VPS13B: variants seen among roughly 807,000 people sequenced by gnomAD.
The protein encoded by VPS13B is intermembrane lipid transfer protein VPS13B.
VPS13B carries 285 observed loss-of-function variants against 426.4 expected under a neutral mutation model. The observed-to-expected ratio is 0.67, with a 90% CI of 0.61 to 0.74. The LOEUF (loss-of-function observed/expected upper bound fraction) is 0.74. Among genes scored for constraint, VPS13B ranks in the 30% least tolerant of loss-of-function variants. VPS13B has a pLI of 0.00. For missense variants in VPS13B, 4,537 were observed against 4,782.6 expected (o/e 0.95, Z 1.51); for synonymous variants, 1,676 against 1,676.4 (o/e 1.00, Z 0.01).
intron 3 of VPS13B, among the ~76,000 whole-genome samples, chr8:99,056,993 T>A (rs1238094732): frequency 6.6e-6 from 1 of 152,162 alleles, no homozygotes; most frequent in Non-Finnish European, 1.5e-5. Context: ...TTTAATATTA[T>A]CATATGTTTA....
intron 2 of VPS13B, among the ~76,000 whole-genome samples, chr8:99,030,936 G>A (rs183000526): frequency 2.3e-3 from 350 of 152,168 alleles, no homozygotes; most frequent in Non-Finnish European, 3.9e-3. Flanking sequence ...ATCTATTTCA[G>A]TATTTGATAT....
chr8:99,038,679 C>CTTT (rs34774482), intron 3 of VPS13B, 113 bp downstream of exon 3: 93 of 168,604 alleles, frequency 5.5e-4, no homozygotes, highest in Admixed American at 1.0e-3. Context: ...AGCTTATATA[C>CTTT]TTTTTTTTTT....
intron 17 of VPS13B, among the ~76,000 whole-genome samples, chr8:99,221,506 T>C (rs1815721002): frequency 6.6e-6 from 1 of 152,222 alleles, no homozygotes; most frequent in African/African-American, 2.4e-5. Flanking sequence ...GAGAGAGGCT[T>C]TAATAACTAT....
chr8:99,551,055 T>C (rs1824256247), intron 30 of VPS13B, among the ~76,000 whole-genome samples: 1 of 149,686 alleles, frequency 6.7e-6, no homozygotes, highest in African/African-American at 2.4e-5. Context: ...ATCACACATA[T>C]TATGTTTTTC....
chr8:99,759,852 C>T (rs1433542648), intron 39 of VPS13B, among the ~76,000 whole-genome samples: 1 of 152,200 alleles, frequency 6.6e-6, no homozygotes, highest in Non-Finnish European at 1.5e-5. Flanking sequence ...GAATCTCTTA[C>T]ATACTACTCT....
intron 3 of VPS13B, among the ~76,000 whole-genome samples, chr8:99,064,379 C>T (rs1844360573): frequency 6.6e-6 from 1 of 152,234 alleles, no homozygotes; most frequent in South Asian, 2.1e-4. Context: ...AGACGAATGG[C>T]TAACTAGAAT....
At position 99,148,110 on chromosome 8, in the gene VPS13B, G is replaced by T. The variant is rs79506327; in HGVS notation, c.2013+100G>T. 61,923 of 1,303,238 alleles carry T rather than the reference G, an allele frequency of 0.048. 2,065 individuals are homozygous for T. The highest frequency in any genetic ancestry group is 0.16 in the African/African-American group (10,601 of 66,824). The allele number at this position is 1,303,238 out of a possible 1,614,324, so 80.7% of individuals were successfully genotyped here. A position where few individuals can be genotyped will look rare whatever the true frequency, so the allele number is the denominator to read the frequency against. On this transcript the variant is annotated intron_variant, in intron 14 of 61. Transcript: ENST00000357162. The stretch of plus-strand genomic sequence containing the variant: ...AGAATATCTGCAGCCGGGCACAGTG[G>T]CTTGAGTGTGTAATCCTGGCAATTC...
rs182111884 is a variant in VPS13B, at chr8:99,175,430, G to A, written c.2333+5267G>A. Among the ~76,000 whole-genome samples the A allele has an allele frequency of 3.6e-3, 553 of 152,252 alleles. 6 individuals are homozygous for A. The highest frequency in any genetic ancestry group is 0.013 in the African/African-American group (520 of 41,556). The stretch of plus-strand genomic sequence containing the variant: ...TATGTTATGAATGCATACAATTTAT[G>A]TGGATTTTGTCTATTTTATCATTTA... On this transcript the variant is annotated intron_variant, in intron 16 of 61. Transcript: ENST00000357162.
intron 38 of VPS13B, 93 bp from the exon 39 acceptor site, chr8:99,720,770 T>G (rs1201851086): frequency 3.1e-6 from 4 of 1,294,004 alleles, no homozygotes; most frequent in Non-Finnish European, 4.3e-6. Flanking sequence ...CTTCTTTATA[T>G]CTTTTATTCT....
chr8:99,853,552 G>T lies in VPS13B; in HGVS notation c.10163G>T (p.Arg3388Ile). ...CACAAAGCATCAGCTGAGCTTCTGA[G>T]ACTCACACTGGACAACATTTTTCTC... ...THHKASAELL[R>I]LTLDNIFLCV... The change falls in exon 56 of 62, where the codon AGA becomes ATA. Residue 3388 changes from arginine (R) to isoleucine (I), a missense_variant. Arg to Ile is a moderately conservative substitution (Grantham distance 97). Transcript: ENST00000357162. 6.2e-7 allele frequency: 1 copy of T among 1,614,198 alleles called. No homozygotes were observed. The highest frequency in any genetic ancestry group is 8.5e-7 in the Non-Finnish European group (1 of 1,180,042).
chr8:99,551,743 T>C lies in VPS13B; in HGVS notation c.4746-4707T>C, dbSNP rs1824295487. 2.0e-5 allele frequency among the ~76,000 whole-genome samples: 3 copies of C among 151,946 alleles called. No individual in the cohort carries two copies. The South Asian group carries it at 6.2e-4, about 31-fold the overall frequency. On this transcript the variant is annotated intron_variant, in intron 30 of 61. Transcript: ENST00000357162. ...AAATTATCTGGTCCCCTTATTTATA[T>C]ATTATTATCCAGTGTCTTATTTTTG... is the stretch of plus-strand genomic sequence containing the variant.
At chr8:99,796,370 A>G (rs935594803) in intron 43 of VPS13B, among the ~76,000 whole-genome samples, 9 of 151,514 alleles carry the variant, frequency 5.9e-5, no homozygotes, top group South Asian at 2.1e-4. Context: ...TGTCTTAATT[A>G]TGTGTTAGCT....
chr8:99,728,674 G>A (rs533144866), intron 39 of VPS13B, among the ~76,000 whole-genome samples: 1 of 152,326 alleles, frequency 6.6e-6, no homozygotes, highest in South Asian at 2.1e-4. Flanking sequence ...AGCAACTGCT[G>A]TAAGAGACAC....
intron 20 of VPS13B, 122 bp downstream of exon 20, chr8:99,384,439 C>A: frequency 1.3e-6 from 1 of 782,334 alleles, no homozygotes; most frequent in Non-Finnish European, 2.1e-6. Context: ...TTTGTCTCCC[C>A]ACCTTACCCC....
At chr8:99,529,945 T>C (rs1038250540) in intron 30 of VPS13B, among the ~76,000 whole-genome samples, 1 of 152,208 alleles carries the variant, frequency 6.6e-6, no homozygotes, top group Non-Finnish European at 1.5e-5. Flanking sequence ...AAGACACTTG[T>C]TCAAGTTAAA....
intron 51 of VPS13B, among the ~76,000 whole-genome samples, chr8:99,830,496 C>T (rs1814980010): frequency 6.6e-6 from 1 of 152,198 alleles, no homozygotes; most frequent in African/African-American, 2.4e-5. Flanking sequence ...GCTGTGCTGG[C>T]AGTGAGAATT....
At chr8:99,178,348 C>A (rs576458811) in intron 16 of VPS13B, among the ~76,000 whole-genome samples, 1 of 145,034 alleles carries the variant, frequency 6.9e-6, no homozygotes, top group Non-Finnish European at 1.5e-5. Flanking sequence ...TGGCGGTTCC[C>A]ATATTCAAAA....
At chr8:99,356,590 T>C (rs1414849755) in intron 19 of VPS13B, among the ~76,000 whole-genome samples, 4 of 152,198 alleles carry the variant, frequency 2.6e-5, no homozygotes, top group Non-Finnish European at 1.5e-5. Flanking sequence ...AAGGCTGCAG[T>C]GAACTGTATT....
At chr8:99,808,736 T>G (rs1563483875) in intron 43 of VPS13B, among the ~76,000 whole-genome samples, 1 of 151,070 alleles carries the variant, frequency 6.6e-6, no homozygotes, top group African/African-American at 2.4e-5. Context: ...CAATGCTACA[T>G]GAATAAATAT....
Sources: allele counts gnomAD v4.1 joint callset (sites outside exome capture counted in the v4.1 genomes callset), GRCh38; gene constraint gnomAD v4.1.1; transcripts MANE v1.5; gene names NCBI Gene and HGNC (gene_info 2026-07-23, HGNC 2026-07-21).